Variants in FAM83B observed in about 807,000 individuals in gnomAD.
FAM83B encodes scaffolding CK1 anchoring protein B.
FAM83B carries 26 observed loss-of-function variants against 38.8 expected under a neutral mutation model. That is an observed-to-expected ratio of 0.67 (90% CI 0.49 to 0.93). FAM83B has a LOEUF of 0.93. Ranked by LOEUF, FAM83B falls within the 40% of genes least tolerant of loss-of-function variation. The pLI, the probability that FAM83B is intolerant of heterozygous loss-of-function variation, is 0.00. For synonymous variants in FAM83B, 419 were observed against 423.1 expected, an observed-to-expected ratio of 0.99 and a Z score of 0.12; for missense variants, 1,237 against 1,197.3, an observed-to-expected ratio of 1.03 and a Z score of -0.49.
intron 2 of FAM83B, among the ~76,000 whole-genome samples, chr6:54,901,054 C>T (rs1207575707): frequency 6.6e-6 from 1 of 152,158 alleles, no homozygotes; most frequent in Non-Finnish European, 1.5e-5. Context: ...ACAACAAAAG[C>T]TATTATCCAT....
At chr6:54,904,500 C>T (rs888194238) in intron 2 of FAM83B, among the ~76,000 whole-genome samples, 3 of 152,156 alleles carry the variant, frequency 2.0e-5, no homozygotes, top group South Asian at 2.1e-4. Context: ...CCCCACTCCA[C>T]GGCTCTGTTT....
intron 2 of FAM83B, among the ~76,000 whole-genome samples, chr6:54,913,053 G>A (rs1252790172): frequency 6.6e-6 from 1 of 151,850 alleles, no homozygotes; most frequent in East Asian, 1.9e-4. Flanking sequence ...TTTTTCCTTT[G>A]CAGTATATTT....
chr6:54,918,874 C>G (rs1186432621), intron 2 of FAM83B, among the ~76,000 whole-genome samples: 1 of 152,116 alleles, frequency 6.6e-6, no homozygotes, highest in East Asian at 1.9e-4. Context: ...AATGGTGTAA[C>G]TCCCCGCAGA....
At chr6:54,892,900 TGG>T (rs1394791430) in intron 2 of FAM83B, among the ~76,000 whole-genome samples, 1 of 151,974 alleles carries the variant, frequency 6.6e-6, no homozygotes, top group East Asian at 1.9e-4. Flanking sequence ...GCATGAATCA[TGG>T]GTTATAAAGG....
chr6:54,936,209 C>T (rs147550161), intron 4 of FAM83B, among the ~76,000 whole-genome samples: 1 of 152,232 alleles, frequency 6.6e-6, no homozygotes, highest in East Asian at 1.9e-4. Context: ...TTGCCTGAAA[C>T]TTTATTACAA....
intron 2 of FAM83B, among the ~76,000 whole-genome samples, chr6:54,884,737 T>C (rs886213921): frequency 5.9e-5 from 9 of 152,184 alleles, no homozygotes; most frequent in Admixed American, 1.3e-4. Context: ...TCTTGGTTAT[T>C]ACTGTAAGCC....
At chr6:54,937,865 A>AT (rs914728676) in intron 4 of FAM83B, among the ~76,000 whole-genome samples, 8 of 151,876 alleles carry the variant, frequency 5.3e-5, no homozygotes, top group East Asian at 1.9e-4. Context: ...ATTTTTCTTT[A>AT]TTTTTTTTAA....
At chr6:54,923,099 A>T (rs770974672) in intron 2 of FAM83B, among the ~76,000 whole-genome samples, 1 of 152,094 alleles carries the variant, frequency 6.6e-6, no homozygotes, top group African/African-American at 2.4e-5. Flanking sequence ...AGCTTCAACA[A>T]TTATCATTCA....
At chr6:54,869,238 C>G (rs1771787404) in intron 1 of FAM83B, among the ~76,000 whole-genome samples, 3 of 152,126 alleles carry the variant, frequency 2.0e-5, no homozygotes, top group Admixed American at 1.3e-4. Flanking sequence ...TCTCAAGGCT[C>G]CTTCCTTAAA....
intron 2 of FAM83B, among the ~76,000 whole-genome samples, chr6:54,875,753 G>A (rs1771977347): frequency 7.0e-6 from 1 of 142,914 alleles, no homozygotes. Flanking sequence ...AAGAAAGGGA[G>A]AGAAAAGAAG....
Position 54,941,786 on chromosome 6 carries a change from C to A in FAM83B, c.2815C>A (p.Pro939Thr), listed in dbSNP as rs750570957. ...TCGGCGTGTTTACAGTCGTTTTGAG[C>A]CGTTTTGTAAGATTGAGAGCTCTAT... ...TDRRVYSRFE[P>T]FCKIESSIQP... Residue 939 changes from proline (P) to threonine (T), a missense_variant, in exon 5 of 5, where the codon CCG (proline) becomes ACG (threonine). By Grantham distance (38) the Pro-to-Thr change is conservative. Transcript: ENST00000306858. 6.2e-7 allele frequency: 1 copy of A among 1,613,394 alleles called. No individual in the cohort carries two copies. Among genetic ancestry groups the A allele is most frequent in the South Asian group, 1.1e-5 (1 of 91,044 alleles).
chr6:54,936,547 A>C (rs1055859835), intron 4 of FAM83B, among the ~76,000 whole-genome samples: 4 of 152,062 alleles, frequency 2.6e-5, no homozygotes, highest in Non-Finnish European at 4.4e-5. Flanking sequence ...AATTCTACAT[A>C]ATCGAACTTT....
At chr6:54,885,444 A>AT (rs1379246174) in intron 2 of FAM83B, among the ~76,000 whole-genome samples, 3 of 152,106 alleles carry the variant, frequency 2.0e-5, no homozygotes, top group Middle Eastern at 3.4e-3. Flanking sequence ...ATGGAAATAT[A>AT]TTTTTTGTAT....
chr6:54,940,312 G>T lies in FAM83B; in HGVS notation c.1341G>T (p.Arg447=). 1 of 1,614,048 alleles carries T rather than the reference G, an allele frequency of 6.2e-7. No homozygotes were observed. Among genetic ancestry groups the T allele is most frequent in the East Asian group, 2.2e-5 (1 of 44,870 alleles). Reference sequence around the variant, plus strand: ...CACCTGCCCAGAGTTTTGCCAATCGGCTTGCGCAGAGAAAAACAACAAATC... The same window carrying T: ...CACCTGCCCAGAGTTTTGCCAATCGTCTTGCGCAGAGAAAAACAACAAATC... ...HNTPAQSFAN[R]LAQRKTTNLA... Residue 447 remains arginine (R), a synonymous_variant, in exon 5 of 5, where the codon CGG becomes CGT. Coordinates refer to ENST00000306858, the MANE Select transcript of FAM83B (RefSeq NM_001010872.3).
At chr6:54,848,892 T>A (rs1321503283) in intron 1 of FAM83B, among the ~76,000 whole-genome samples, 1 of 152,186 alleles carries the variant, frequency 6.6e-6, no homozygotes, top group Non-Finnish European at 1.5e-5. Flanking sequence ...TTTCAAGTTG[T>A]CCTTGTTTAT....
At chr6:54,913,804 C>A (rs1385784108) in intron 2 of FAM83B, among the ~76,000 whole-genome samples, 1 of 151,874 alleles carries the variant, frequency 6.6e-6, no homozygotes, top group Non-Finnish European at 1.5e-5. Context: ...TTGCTTCCTT[C>A]GTATCTCCCA....
chr6:54,932,607 C>A (rs962321566), intron 4 of FAM83B, among the ~76,000 whole-genome samples: 2 of 152,118 alleles, frequency 1.3e-5, no homozygotes, highest in Admixed American at 6.6e-5. Flanking sequence ...CTCTACCATC[C>A]TTTTATTTCA....
intron 2 of FAM83B, among the ~76,000 whole-genome samples, chr6:54,909,565 A>C (rs571849084): frequency 6.6e-6 from 1 of 152,332 alleles, no homozygotes; most frequent in African/African-American, 2.4e-5. Flanking sequence ...AGTATTTGAA[A>C]ATAACTGTAC....
intron 4 of FAM83B, among the ~76,000 whole-genome samples, chr6:54,938,488 T>G (rs1204854271): frequency 2.0e-5 from 3 of 152,238 alleles, no homozygotes; most frequent in Admixed American, 2.0e-4. Context: ...CCACCAGGAG[T>G]GTAAAAATGT....
Sources: allele counts gnomAD v4.1 joint callset (sites outside exome capture counted in the v4.1 genomes callset), GRCh38; gene constraint gnomAD v4.1.1; transcripts MANE v1.5; gene names NCBI Gene and HGNC (gene_info 2026-07-23, HGNC 2026-07-21).